Variants in MAGED1 observed in about 807,000 individuals in gnomAD.
MAGED1 encodes MAGE family member D1.
MAGED1 carries 3 observed loss-of-function variants against 54.1 expected under a neutral mutation model. That is an observed-to-expected ratio of 0.06 (90% CI 0.03 to 0.14). The LOEUF (loss-of-function observed/expected upper bound fraction) is 0.14, where lower values mean the gene tolerates loss of function less well. Among genes scored for constraint, MAGED1 ranks in the 10% least tolerant of loss-of-function variants. The pLI is 1.00. For synonymous variants in MAGED1, 217 were observed against 227.3 expected (o/e 0.95, Z 0.41); for missense variants, 485 against 623.4 (o/e 0.78, Z 2.36).
intron 1 of MAGED1, among the ~76,000 whole-genome samples, chrX:51,807,713 C>T (rs1925082092): frequency 9.0e-6 from 1 of 111,670 alleles, no homozygotes; most frequent in African/African-American, 3.3e-5. Context: ...CCATCCTTTT[C>T]ATTAACTCAA....
At chrX:51,807,678 A>T (rs1412665264) in intron 1 of MAGED1, among the ~76,000 whole-genome samples, 3 of 111,717 alleles carry the variant, frequency 2.7e-5, no homozygotes, top group African/African-American at 9.8e-5. Flanking sequence ...CTTATTGAAA[A>T]GATCATTCTT....
At chrX:51,883,430 G>A (rs1012878780) in intron 1 of MAGED1, among the ~76,000 whole-genome samples, 1 of 111,953 alleles carries the variant, frequency 8.9e-6, no homozygotes, top group Non-Finnish European at 1.9e-5. Flanking sequence ...AGCCCATGGT[G>A]ACAGGAAGCT....
chrX:51,848,500 C>G (rs1034843377), intron 1 of MAGED1, among the ~76,000 whole-genome samples: 9 of 111,493 alleles, frequency 8.1e-5, no homozygotes, highest in African/African-American at 2.9e-4. Flanking sequence ...GTGTCCCGGG[C>G]TTTTAAAATT....
At chrX:51,888,171 C>T (rs1180842587) in intron 1 of MAGED1, among the ~76,000 whole-genome samples, 1 of 111,588 alleles carries the variant, frequency 9.0e-6, no homozygotes, top group Non-Finnish European at 1.9e-5. Flanking sequence ...TTGTTTGTAA[C>T]TCAAAGGATA....
At chrX:51,845,721 T>C (rs181082479) in intron 1 of MAGED1, among the ~76,000 whole-genome samples, 38 of 111,719 alleles carry the variant, frequency 3.4e-4, no homozygotes, top group African/African-American at 1.2e-3. Context: ...GTTGAGACTT[T>C]TCAGATCTTG....
intron 1 of MAGED1, among the ~76,000 whole-genome samples, chrX:51,803,523 T>A (rs140978392): frequency 1.5e-3 from 166 of 107,585 alleles, no homozygotes; most frequent in African/African-American, 5.5e-3. Context: ...CTTCCTACCC[T>A]CTGTTTTACT....
intron 1 of MAGED1, among the ~76,000 whole-genome samples, chrX:51,856,027 G>GC (rs1168883552): frequency 1.8e-5 from 2 of 112,290 alleles, no homozygotes; most frequent in Non-Finnish European, 3.8e-5. Flanking sequence ...ACACAGTTCA[G>GC]CCCATAACAC....
chrX:51,891,823 T>A (rs1928446922), upstream of MAGED1, among the ~76,000 whole-genome samples: 1 of 112,163 alleles, frequency 8.9e-6, no homozygotes, highest in African/African-American at 3.2e-5. Context: ...ATAGGCCAAG[T>A]CATGACCGAA....
chrX:51,886,343 A>C (rs1398789637), intron 1 of MAGED1, among the ~76,000 whole-genome samples: 1 of 111,392 alleles, frequency 9.0e-6, no homozygotes, highest in Non-Finnish European at 1.9e-5. Context: ...AGTTACCCTG[A>C]TGAGATCATT....
intron 1 of MAGED1, among the ~76,000 whole-genome samples, chrX:51,845,222 G>C (rs1926640550): frequency 9.0e-6 from 1 of 111,431 alleles, no homozygotes; most frequent in African/African-American, 3.3e-5. Context: ...CTGCACTCCA[G>C]CCTGGCGACA....
At chrX:51,855,706 A>C (rs1347676489) in intron 1 of MAGED1, among the ~76,000 whole-genome samples, 2 of 111,043 alleles carry the variant, frequency 1.8e-5, no homozygotes, top group African/African-American at 6.6e-5. Context: ...TTGTGTTTTT[A>C]GTAGAGACGG....
intron 1 of MAGED1, among the ~76,000 whole-genome samples, chrX:51,887,499 A>G (rs1178191663): frequency 8.9e-6 from 1 of 111,985 alleles, no homozygotes; most frequent in African/African-American, 3.3e-5. Flanking sequence ...CACAGAAAAT[A>G]GAATAGAACA....
In MAGED1 at chrX:51,896,552, A is replaced by G. The variant is rs782501012; in HGVS notation, c.897A>G (p.Pro299=). 9.1e-6 allele frequency: 11 copies of G among 1,211,773 alleles called. No homozygotes were observed. The East Asian group carries it at 3.0e-4, about 33-fold the overall frequency. ...CCCCCAATGTGCTCTGGCAGACGCC[A>G]TTGGCTTGGCAGAACCCCTCAGGCT... is the stretch of plus-strand genomic sequence containing the variant. The part of the protein sequence containing the change: ...GAPPNVLWQT[P]LAWQNPSGWQ... The change falls in exon 4 of 13, where the codon CCA becomes CCG. Residue 299 remains proline (P), a synonymous_variant. Transcript: ENST00000326587.
intron 1 of MAGED1, among the ~76,000 whole-genome samples, chrX:51,807,130 C>T (rs893913148): frequency 6.3e-5 from 7 of 111,747 alleles, no homozygotes; most frequent in Non-Finnish European, 1.1e-4. Flanking sequence ...ATAGCCAACA[C>T]TTGCCTTTGT....
chrX:51,889,350 G>A (rs942327153), upstream of MAGED1, among the ~76,000 whole-genome samples: 2 of 110,679 alleles, frequency 1.8e-5, no homozygotes, highest in Non-Finnish European at 1.9e-5. Flanking sequence ...TCATAGGGCC[G>A]GGCATGGTGG....
At chrX:51,891,647 T>G (rs1022509310), upstream of MAGED1, among the ~76,000 whole-genome samples, 2 of 111,703 alleles carry the variant, frequency 1.8e-5, no homozygotes. Context: ...CCCTAAGAGG[T>G]TTACACTCTA....
At chrX:51,836,473 T>C (rs1926253315) in intron 1 of MAGED1, among the ~76,000 whole-genome samples, 1 of 111,431 alleles carries the variant, frequency 9.0e-6, no homozygotes, top group East Asian at 2.8e-4. Context: ...GTGCTGTTCC[T>C]GTCTCAGTGT....
chrX:51,820,076 A>G (rs1207705938), intron 1 of MAGED1, among the ~76,000 whole-genome samples: 4 of 111,316 alleles, frequency 3.6e-5, no homozygotes, highest in African/African-American at 1.3e-4. Flanking sequence ...TCAAAAGTCA[A>G]TTCACCATAA....
At chrX:51,864,189 AGTGT>A (rs141456748) in intron 1 of MAGED1, among the ~76,000 whole-genome samples, 108 of 100,329 alleles carry the variant, frequency 1.1e-3, no homozygotes, top group Non-Finnish European at 1.3e-3. Context: ...AGAGAGAGAG[AGTGT>A]GTGTGTGTGT....
Sources: gnomAD v4.1 joint callset for allele counts (sites outside exome capture counted in the v4.1 genomes callset) on GRCh38, gnomAD v4.1.1 for gene constraint, MANE v1.5 for transcripts, NCBI Gene and HGNC (gene_info 2026-07-23, HGNC 2026-07-21) for gene names.